Variants in AFG2A observed in about 807,000 individuals in gnomAD.
AFG2A encodes the protein AAA ATPase AFG2A.
chr4:123,135,522 G>A, the AFG2A span, among the ~76,000 whole-genome samples: 1 of 152,104 alleles, frequency 6.6e-6, no homozygotes, highest in Non-Finnish European at 1.5e-5. Context: ...CTGTATCTGT[G>A]GGTTCTGCAT....
At chr4:123,114,237 A>T in the AFG2A span, among the ~76,000 whole-genome samples, 1 of 152,122 alleles carries the variant, frequency 6.6e-6, no homozygotes, top group African/African-American at 2.4e-5. Context: ...TAAAGGCACC[A>T]CAAGTCCCCA....
At chr4:123,168,272 C>T in the AFG2A span, among the ~76,000 whole-genome samples, 3 of 152,120 alleles carry the variant, frequency 2.0e-5, no homozygotes, top group Non-Finnish European at 4.4e-5. Flanking sequence ...GCCCTTACCC[C>T]TAACCCCAAA....
the AFG2A span, among the ~76,000 whole-genome samples, chr4:122,975,936 ATGTT>A: frequency 6.6e-6 from 1 of 152,260 alleles, no homozygotes; most frequent in African/African-American, 2.4e-5. Context: ...TTTTTGGTGT[ATGTT>A]TGTACTATTC....
At chr4:123,092,093 C>T in the AFG2A span, among the ~76,000 whole-genome samples, 1 of 152,098 alleles carries the variant, frequency 6.6e-6, no homozygotes, top group Non-Finnish European at 1.5e-5. Flanking sequence ...CTTCCTGATG[C>T]AGTATTTTAT....
the AFG2A span, among the ~76,000 whole-genome samples, chr4:123,093,244 A>G: frequency 6.6e-6 from 1 of 152,192 alleles, no homozygotes; most frequent in Admixed American, 6.5e-5. Flanking sequence ...ACTCATAAGC[A>G]GTGCACCCAG....
At chr4:123,064,820 T>A in the AFG2A span, among the ~76,000 whole-genome samples, 1 of 152,224 alleles carries the variant, frequency 6.6e-6, no homozygotes, top group South Asian at 2.1e-4. Flanking sequence ...AACATATTCC[T>A]GAAACTTAGG....
At chr4:123,195,309 T>A in the AFG2A span, among the ~76,000 whole-genome samples, 1 of 152,238 alleles carries the variant, frequency 6.6e-6, no homozygotes, top group Admixed American at 6.5e-5. Context: ...TTGAAGCTAA[T>A]TTATTGATAA....
At chr4:123,083,559 C>CTTTTTTTTTTTTTTTTTTTTTTT in the AFG2A span, among the ~76,000 whole-genome samples, 1 of 132,886 alleles carries the variant, frequency 7.5e-6, no homozygotes. Flanking sequence ...TATAATTATT[C>CTTTTTTTTTTTTTTTTTTTTTTT]TTTTTTTTTT....
the AFG2A span, among the ~76,000 whole-genome samples, chr4:123,003,289 C>A: frequency 1.3e-5 from 2 of 152,178 alleles, no homozygotes; most frequent in Non-Finnish European, 2.9e-5. Context: ...TCATTTGAAG[C>A]CTTCTTCTCT....
chr4:123,092,844 C>T, the AFG2A span, among the ~76,000 whole-genome samples: 1 of 152,164 alleles, frequency 6.6e-6, no homozygotes, highest in Non-Finnish European at 1.5e-5. Context: ...TTCCTTGCCA[C>T]ACAGCCCCCT....
chr4:123,075,900 TG>T, the AFG2A span, among the ~76,000 whole-genome samples: 1 of 149,932 alleles, frequency 6.7e-6, no homozygotes, highest in African/African-American at 2.5e-5. Flanking sequence ...GAGGTTGCAG[TG>T]AGCCGAGATC....
the AFG2A span, among the ~76,000 whole-genome samples, chr4:123,181,195 A>G: frequency 3.3e-5 from 5 of 152,036 alleles, no homozygotes; most frequent in African/African-American, 1.2e-4. Flanking sequence ...TGTGTTAGCC[A>G]GGATGGTCTC....
the AFG2A span, among the ~76,000 whole-genome samples, chr4:123,063,493 T>C: frequency 3.3e-5 from 5 of 152,262 alleles, no homozygotes; most frequent in African/African-American, 1.2e-4. Flanking sequence ...ACACCTGTAA[T>C]CCCAGCACTT....
At chr4:122,975,063 C>T in the AFG2A span, among the ~76,000 whole-genome samples, 2 of 152,186 alleles carry the variant, frequency 1.3e-5, no homozygotes, top group Non-Finnish European at 2.9e-5. Context: ...CCCAATTTAT[C>T]ATCGTCTTAG....
the AFG2A span, among the ~76,000 whole-genome samples, chr4:123,164,414 A>C: frequency 0.5 from 75,878 of 152,044 alleles, 23,367 homozygotes; most frequent in Non-Finnish European, 0.67. Context: ...CCCAGGCTGG[A>C]GTGCAGTGAC....
chr4:122,944,112 T>A, the AFG2A span, among the ~76,000 whole-genome samples: 1 of 152,236 alleles, frequency 6.6e-6, no homozygotes. Flanking sequence ...CAATTATGTG[T>A]CTTGGAATTG....
At chr4:122,983,298 C>T in the AFG2A span, among the ~76,000 whole-genome samples, 10 of 152,140 alleles carry the variant, frequency 6.6e-5, no homozygotes, top group African/African-American at 1.9e-4. Flanking sequence ...TTTCTAGTCT[C>T]CATTTCATTT....
chr4:123,312,521 T>A, the AFG2A span, among the ~76,000 whole-genome samples: 3 of 152,336 alleles, frequency 2.0e-5, no homozygotes, highest in East Asian at 5.8e-4. Context: ...GTGGAACCAT[T>A]GGATAGCCAG....
chr4:122,960,436 G>A, the AFG2A span, among the ~76,000 whole-genome samples: 3 of 152,128 alleles, frequency 2.0e-5, no homozygotes, highest in African/African-American at 7.2e-5. Context: ...ATCCTTCTAA[G>A]GCTGCCTGTG....
Sources: gnomAD v4.1 joint callset for allele counts (sites outside exome capture counted in the v4.1 genomes callset) on GRCh38, gnomAD v4.1.1 for gene constraint, MANE v1.5 for transcripts, NCBI Gene and HGNC (gene_info 2026-07-23, HGNC 2026-07-21) for gene names.